TRPV3: variants seen among roughly 807,000 people sequenced by gnomAD.
TRPV3 encodes the protein VRL-3.
A neutral mutation model predicts 87.1 loss-of-function variants in TRPV3; 88 were observed. The ratio of observed to expected loss-of-function variants is 1.01; its 90% CI spans 0.85 to 1.21. TRPV3 has a LOEUF of 1.21. Ranked by LOEUF, TRPV3 falls within the 50% of genes most tolerant of loss-of-function variation. The pLI, the probability that TRPV3 is intolerant of heterozygous loss-of-function variation, is 0.00. For synonymous variants in TRPV3, 438 were observed against 423.3 expected, an observed-to-expected ratio of 1.03 and a Z score of -0.43; for missense variants, 1,054 against 1,030.1, an observed-to-expected ratio of 1.02 and a Z score of -0.32.
Position 3,518,914 on chromosome 17 carries a change from G to A in TRPV3, c.1811-64C>T, listed in dbSNP as rs1211913116. On this transcript the variant is annotated intron_variant, in intron 14 of 17. Transcript: ENST00000576742. The surrounding 1 kb of genome is among the most constrained non-coding windows in gnomAD (Gnocchi z 4.3). ...CCTGGTAATTACTCTACAAGCTTGC[G>A]TGTATTTGCCTACATGACAAGCCTG... 44 of 1,527,802 alleles carry A rather than the reference G, an allele frequency of 2.9e-5. No homozygotes were observed. The highest frequency in any genetic ancestry group is 2.7e-4 in the East Asian group (12 of 44,090). 94.6% of individuals were successfully genotyped at this position (1,527,802 alleles called of 1,614,324 possible).
chr17:3,535,223 G>C (rs1169405161), intron 7 of TRPV3, among the ~76,000 whole-genome samples: 2 of 25,014 alleles, frequency 8.0e-5, no homozygotes, highest in African/African-American at 1.3e-4. Context: ...TCTGTCTCCT[G>C]CCTCCCTCCT....
At chr17:3,525,089 T>A (rs111246186) in intron 12 of TRPV3, among the ~76,000 whole-genome samples, 50 of 152,172 alleles carry the variant, frequency 3.3e-4, no homozygotes, top group South Asian at 6.2e-4. Flanking sequence ...GCATGAACTC[T>A]GCTCACTGCA....
intron 8 of TRPV3, among the ~76,000 whole-genome samples, chr17:3,531,898 G>T (rs901652398): frequency 6.6e-6 from 1 of 152,170 alleles, no homozygotes; most frequent in East Asian, 1.9e-4. Context: ...CCAGGGAGGC[G>T]GGTACCCTGA....
At chr17:3,520,197 C>T (rs981970958) in intron 14 of TRPV3, among the ~76,000 whole-genome samples, 6 of 152,064 alleles carry the variant, frequency 3.9e-5, no homozygotes, top group Non-Finnish European at 5.9e-5. Context: ...GCAACTGGTA[C>T]GTGGGGGAAA....
rs1159282300 is a variant in TRPV3 at position 3,524,454 on chromosome 17, CT to C, written c.1578-92del. The C allele has an allele frequency of 1.2e-4, 176 of 1,509,370 alleles. 2 individuals carry two copies. The South Asian group carries it at 2.1e-3, about 18-fold the overall frequency. The allele number at this position is 1,509,370 out of a possible 1,614,324, so 93.5% of individuals were successfully genotyped here. The stretch of plus-strand genomic sequence containing the variant: ...ATCCCCCAAACCTCCCTTAAACCCC[CT>C]GAACAGTCACCCCGGTGACGGATGC... On this transcript the variant is annotated intron_variant, in intron 12 of 17. Transcript: ENST00000576742.
intron 2 of TRPV3, among the ~76,000 whole-genome samples, chr17:3,549,281 G>A (rs1288884225): frequency 6.6e-6 from 1 of 152,194 alleles, no homozygotes; most frequent in African/African-American, 2.4e-5. Flanking sequence ...CAATGTGCCA[G>A]GCACTGTTTC....
chr17:3,545,850 C>T lies in TRPV3; in HGVS notation c.120-579G>A, dbSNP rs1388747213. On this transcript the variant is annotated intron_variant, in intron 2 of 17. Transcript: ENST00000576742. ...AAAAAAAAAAAAAAAAGTAGCTGGG[C>T]ATGATGGCAGGCACCTGTAACCCCA... Among the ~76,000 whole-genome samples, 14 of 146,630 alleles carry T rather than the reference C, an allele frequency of 9.5e-5. No homozygotes were observed. The East Asian group carries it at 2.5e-3, about 26-fold the overall frequency.
chr17:3,537,696 G>A (rs1431497791), intron 6 of TRPV3, among the ~76,000 whole-genome samples: 2 of 151,898 alleles, frequency 1.3e-5, no homozygotes, highest in East Asian at 1.9e-4. Context: ...TTGAGGTCAG[G>A]AGTTCGAGAC....
chr17:3,545,093 G>A (rs2074511344), intron 3 of TRPV3, 74 bp downstream of exon 3: 3 of 1,042,034 alleles, frequency 2.9e-6, no homozygotes, highest in Non-Finnish European at 4.4e-6. Context: ...CGTGACCCAG[G>A]GCAAGTCACT....
At chr17:3,532,077 C>T (rs1296625281) in intron 8 of TRPV3, among the ~76,000 whole-genome samples, 6 of 152,202 alleles carry the variant, frequency 3.9e-5, no homozygotes, top group Non-Finnish European at 5.9e-5. Flanking sequence ...GCCATGACAC[C>T]GGCCCCTGAA....
intron 6 of TRPV3, chr17:3,539,526 T>C (rs1157480855): frequency 6.6e-6 from 1 of 151,970 alleles, no homozygotes; most frequent in African/African-American, 2.4e-5. Context: ...GTGGCACGCA[T>C]CTATAGTCCC....
At chr17:3,542,389 G>T in intron 6 of TRPV3, 133 bp downstream of exon 6, 1 of 995,964 alleles carries the variant, frequency 1.0e-6, no homozygotes, top group Non-Finnish European at 1.5e-6. Flanking sequence ...AAGCATCCCT[G>T]GTACCATGCT....
chr17:3,522,438 G>C (rs1306776052), intron 13 of TRPV3, among the ~76,000 whole-genome samples: 2 of 152,066 alleles, frequency 1.3e-5, no homozygotes, highest in Non-Finnish European at 2.9e-5. Context: ...TTTTATTACA[G>C]TATATTGTTA....
chr17:3,525,186 A>AT lies in TRPV3; in HGVS notation c.1578-824dup, dbSNP rs1475772081. On this transcript the variant is annotated intron_variant, in intron 12 of 17. Transcript: ENST00000576742. ...AGGCACCCGCCACCACACCAGGCTC[A>AT]TTTTTGTATTTTTAGTAGAGATGGG... Among the ~76,000 whole-genome samples the AT allele has an allele frequency of 1.1e-4, 16 of 152,080 alleles. No individual in the cohort carries two copies. In the East Asian group the frequency reaches 2.7e-3, roughly 26 times the overall value.
chr17:3,539,532 G>A (rs759320595), intron 6 of TRPV3: 1 of 152,106 alleles, frequency 6.6e-6, no homozygotes, highest in Non-Finnish European at 1.5e-5. Flanking sequence ...CGCATCTATA[G>A]TCCCAGCTAC....
intron 6 of TRPV3, among the ~76,000 whole-genome samples, chr17:3,538,514 G>T (rs958286142): frequency 4.6e-5 from 7 of 151,888 alleles, no homozygotes; most frequent in African/African-American, 1.7e-4. Context: ...CCGTTGTGGG[G>T]AGAGAGTAAA....
chr17:3,528,011 G>A lies in TRPV3; in HGVS notation c.1503+14C>T, dbSNP rs1289105232. The A allele has an allele frequency of 6.2e-7, 1 of 1,601,046 alleles. No individual in the cohort carries two copies. The highest frequency in any genetic ancestry group is 2.2e-5 in the East Asian group (1 of 44,826). On this transcript the variant is annotated intron_variant, in intron 11 of 17. Coordinates refer to ENST00000576742, the MANE Select transcript of TRPV3 (RefSeq NM_145068.4). The surrounding 1 kb of genome is among the most constrained non-coding windows in gnomAD (Gnocchi z 4.2). Reference sequence around the variant, plus strand: ...CTCGCGGGGCGGTCTGGAAGGGCCGGGTGGCCCACTTACCTCTTTCACAGA... The same window carrying A: ...CTCGCGGGGCGGTCTGGAAGGGCCGAGTGGCCCACTTACCTCTTTCACAGA...
chr17:3,523,893 T>TACACACACACAC (rs1247800485), intron 13 of TRPV3, among the ~76,000 whole-genome samples: 95 of 148,028 alleles, frequency 6.4e-4, no homozygotes, highest in African/African-American at 2.2e-3. Flanking sequence ...ATATTCCACC[T>TACACACACACAC]ACACACACAC....
At chr17:3,532,968 T>G in intron 7 of TRPV3, 31 bp from the exon 8 acceptor site, 2 of 1,608,116 alleles carry the variant, frequency 1.2e-6, no homozygotes, top group Non-Finnish European at 1.7e-6. Context: ...AGCTTGGTTC[T>G]CTCATGGGCC....
Sources: allele counts gnomAD v4.1 joint callset (sites outside exome capture counted in the v4.1 genomes callset), GRCh38; gene constraint gnomAD v4.1.1; non-coding constraint Gnocchi (gnomAD v3.1); transcripts MANE v1.5; gene names NCBI Gene and HGNC (gene_info 2026-07-23, HGNC 2026-07-21).